Variants in PTCHD4 observed in about 807,000 individuals in gnomAD.
PTCHD4 encodes patched domain-containing protein 4.
In PTCHD4, 33 loss-of-function variants were observed where a neutral mutation model predicts 58.1. The ratio of observed to expected loss-of-function variants is 0.57; its 90% CI spans 0.43 to 0.76. PTCHD4 has a LOEUF of 0.76. PTCHD4 is among the 30% of genes least tolerant of loss of function. The probability of loss-of-function intolerance (pLI) is 0.00; values close to 1 mark genes in which losing one functional copy is unlikely to be tolerated. For missense variants in PTCHD4, 1,058 were observed against 1,027.1 expected (o/e 1.03, Z -0.41); for synonymous variants, 478 against 409.6 (o/e 1.17, Z -2.02).
chr6:48,103,905 A>G (rs1765661534), intron 1 of PTCHD4, among the ~76,000 whole-genome samples: 1 of 152,222 alleles, frequency 6.6e-6, no homozygotes, highest in Non-Finnish European at 1.5e-5. Context: ...TAGAGGAAAA[A>G]GAATAAAAAG....
chr6:48,050,482 CTACAGTAGGAA>C (rs1028162008), intron 3 of PTCHD4, among the ~76,000 whole-genome samples: 6 of 151,962 alleles, frequency 3.9e-5, no homozygotes, highest in Non-Finnish European at 5.9e-5. Flanking sequence ...AATGTAGGTG[CTACAGTAGGAA>C]TACTGGATCC....
At chr6:48,105,625 CA>C (rs555348162) in intron 1 of PTCHD4, among the ~76,000 whole-genome samples, 10 of 151,146 alleles carry the variant, frequency 6.6e-5, no homozygotes, top group African/African-American at 1.7e-4. Flanking sequence ...GAAATAGAGA[CA>C]AAAAAAACCC....
intron 3 of PTCHD4, among the ~76,000 whole-genome samples, chr6:48,027,504 T>C (rs1763290079): frequency 6.6e-6 from 1 of 152,138 alleles, no homozygotes; most frequent in African/African-American, 2.4e-5. Flanking sequence ...TTATAATATG[T>C]CTACCTTAAA....
At chr6:48,085,570 A>T (rs1402238657) in intron 1 of PTCHD4, among the ~76,000 whole-genome samples, 1 of 152,188 alleles carries the variant, frequency 6.6e-6, no homozygotes, top group Non-Finnish European at 1.5e-5. Flanking sequence ...CAGTGTTTTC[A>T]ATTCTTTGAG....
chr6:48,043,538 A>C (rs1446123374), intron 3 of PTCHD4, among the ~76,000 whole-genome samples: 5 of 151,848 alleles, frequency 3.3e-5, no homozygotes, highest in Non-Finnish European at 7.4e-5. Flanking sequence ...CCCTTTCTGC[A>C]AATTTCTTTA....
chr6:47,980,980 CTT>C (rs1767865303), intron 4 of PTCHD4, among the ~76,000 whole-genome samples: 1 of 151,776 alleles, frequency 6.6e-6, no homozygotes, highest in South Asian at 2.1e-4. Flanking sequence ...TATTTTGATT[CTT>C]CTTTTTATGA....
chr6:47,952,655 C>A (rs1452004342), intron 4 of PTCHD4, among the ~76,000 whole-genome samples: 1 of 152,034 alleles, frequency 6.6e-6, no homozygotes, highest in Non-Finnish European at 1.5e-5. Flanking sequence ...TATGCAAATG[C>A]TTATCACTGT....
At chr6:48,002,069 A>T (rs1768744885) in intron 4 of PTCHD4, among the ~76,000 whole-genome samples, 2 of 152,178 alleles carry the variant, frequency 1.3e-5, no homozygotes, top group South Asian at 2.1e-4. Context: ...AGATACCATC[A>T]CACACCAGTT....
intron 4 of PTCHD4, among the ~76,000 whole-genome samples, chr6:47,891,221 CAAAAAA>C (rs35503136): frequency 7.2e-5 from 6 of 83,302 alleles, no homozygotes; most frequent in Admixed American, 1.2e-4. Context: ...GACTGTGTCT[CAAAAAA>C]AAAAAAAAAA....
rs113278510 is a variant in PTCHD4, at chr6:47,994,887, G to A, written c.898+13747C>T. 4.5e-3 allele frequency among the ~76,000 whole-genome samples: 687 copies of A among 152,218 alleles called. 6 individuals are homozygous for A. The highest frequency in any genetic ancestry group is 0.016 in the African/African-American group (644 of 41,532). ...TTAGGATTTTCATTTTTCAGGAAAA[G>A]GTTAAGAAGAATTAGAATGGACAAA... On this transcript the variant is annotated intron_variant, in intron 4 of 4. Coordinates refer to ENST00000339488, the MANE Select transcript of PTCHD4 (RefSeq NM_001384253.1).
chr6:47,905,295 T>A (rs1561949699), intron 4 of PTCHD4, among the ~76,000 whole-genome samples: 1 of 152,146 alleles, frequency 6.6e-6, no homozygotes, highest in Non-Finnish European at 1.5e-5. Flanking sequence ...GAATATGAAT[T>A]GAAACGGGCC....
At chr6:48,107,275 A>G in intron 1 of PTCHD4, among the ~76,000 whole-genome samples, 1 of 152,168 alleles carries the variant, frequency 6.6e-6, no homozygotes, top group South Asian at 2.1e-4. Flanking sequence ...GGAACAGAAC[A>G]GAGCCCTCAG....
At chr6:48,106,021 T>C (rs560489598) in intron 1 of PTCHD4, among the ~76,000 whole-genome samples, 26 of 152,248 alleles carry the variant, frequency 1.7e-4, no homozygotes, top group Non-Finnish European at 3.2e-4. Flanking sequence ...CTACCATAGG[T>C]AGAAGGAGGA....
chr6:48,000,293 G>A (rs533295767), intron 4 of PTCHD4, among the ~76,000 whole-genome samples: 6 of 152,128 alleles, frequency 3.9e-5, no homozygotes, highest in East Asian at 1.9e-4. Flanking sequence ...ACCCTGACCC[G>A]CACAATTTTC....
chr6:47,866,061 C>T lies in PTCHD4; in HGVS notation c.*12242G>A, dbSNP rs999481397. The stretch of plus-strand genomic sequence containing the variant: ...TTAAGTGCTATCTTAATGCAACACA[C>T]TCATACCAGGTTTGGCTCTACTAGA... On this transcript the variant is annotated 3_prime_UTR_variant, in exon 5 of 5. Coordinates refer to ENST00000339488, the MANE Select transcript of PTCHD4 (RefSeq NM_001384253.1). Among the ~76,000 whole-genome samples the T allele has an allele frequency of 2.6e-5, 4 of 151,908 alleles. No homozygotes were observed. Among genetic ancestry groups the T allele is most frequent in the African/African-American group, 9.7e-5 (4 of 41,402 alleles).
At chr6:48,036,661 G>A (rs1234123911) in intron 3 of PTCHD4, among the ~76,000 whole-genome samples, 1 of 152,112 alleles carries the variant, frequency 6.6e-6, no homozygotes, top group African/African-American at 2.4e-5. Context: ...AAACACAAGA[G>A]TAGGGATGCT....
intron 3 of PTCHD4, among the ~76,000 whole-genome samples, chr6:48,013,215 G>A (rs1295120940): frequency 1.3e-5 from 2 of 151,872 alleles, no homozygotes; most frequent in Non-Finnish European, 2.9e-5. Flanking sequence ...GGGCTTTTTT[G>A]TTGTTGTTGG....
At chr6:47,979,426 A>T (rs1455533728) in intron 4 of PTCHD4, among the ~76,000 whole-genome samples, 5 of 152,160 alleles carry the variant, frequency 3.3e-5, no homozygotes, top group Admixed American at 3.3e-4. Flanking sequence ...TGGATAAAAA[A>T]TAAGATGGTT....
At chr6:47,949,300 T>A (rs1233969547) in intron 4 of PTCHD4, among the ~76,000 whole-genome samples, 2 of 152,166 alleles carry the variant, frequency 1.3e-5, no homozygotes, top group African/African-American at 4.8e-5. Flanking sequence ...TGAAGCTTGC[T>A]GAACACCTGC....
Sources: gnomAD v4.1 joint callset for allele counts (sites outside exome capture counted in the v4.1 genomes callset) on GRCh38, gnomAD v4.1.1 for gene constraint, MANE v1.5 for transcripts, NCBI Gene and HGNC (gene_info 2026-07-23, HGNC 2026-07-21) for gene names.